MGAT5: variants seen among roughly 807,000 people sequenced by gnomAD.
MGAT5 encodes the protein alpha-1,6-mannosylglycoprotein 6-beta-N-acetylglucosaminyltransferase.
MGAT5 carries 30 observed loss-of-function variants against 94.3 expected under a neutral mutation model. The ratio of observed to expected loss-of-function variants is 0.32; its 90% confidence interval spans 0.24 to 0.43. The LOEUF (loss-of-function observed/expected upper bound fraction) is 0.43, where lower values mean the gene tolerates loss of function less well. MGAT5 is among the 20% of genes least tolerant of loss of function. The pLI is 1.00. For missense variants in MGAT5, 691 were observed against 905.5 expected, an observed-to-expected ratio of 0.76 and a Z score of 3.04; for synonymous variants, 310 against 322.9, an observed-to-expected ratio of 0.96 and a Z score of 0.43.
chr2:134,245,027 T>A (rs961963848), intron 1 of MGAT5, among the ~76,000 whole-genome samples: 1 of 152,182 alleles, frequency 6.6e-6, no homozygotes, highest in African/African-American at 2.4e-5. Context: ...TTATTATTAT[T>A]TTTGAGGCAG....
intron 2 of MGAT5, among the ~76,000 whole-genome samples, chr2:134,298,592 T>C (rs1274286000): frequency 6.6e-6 from 1 of 152,220 alleles, no homozygotes; most frequent in East Asian, 1.9e-4. Context: ...AATCCTTGTT[T>C]ATCATAATTC....
At chr2:134,296,892 C>T (rs941272029) in intron 2 of MGAT5, among the ~76,000 whole-genome samples, 1 of 152,110 alleles carries the variant, frequency 6.6e-6, no homozygotes, top group Admixed American at 6.6e-5. Context: ...TAGACACAAT[C>T]TGTACTGACT....
At chr2:134,232,837 T>C (rs547189085) in intron 1 of MGAT5, among the ~76,000 whole-genome samples, 35 of 152,344 alleles carry the variant, frequency 2.3e-4, no homozygotes, top group African/African-American at 7.5e-4. Flanking sequence ...TGGTGTGTTA[T>C]GGTGTGTCTT....
intron 1 of MGAT5, among the ~76,000 whole-genome samples, chr2:134,131,823 CTG>C (rs1465229143): frequency 4.6e-5 from 7 of 152,112 alleles, no homozygotes; most frequent in Admixed American, 3.3e-4. Context: ...TTTTACAGGA[CTG>C]GGCTTGCACC....
upstream of MGAT5, among the ~76,000 whole-genome samples, chr2:134,249,267 A>G (rs1018750937): frequency 6.7e-6 from 1 of 150,196 alleles, no homozygotes; most frequent in Non-Finnish European, 1.5e-5. Flanking sequence ...TACACATATC[A>G]TACCATCCTC....
intron 1 of MGAT5, among the ~76,000 whole-genome samples, chr2:134,240,566 A>G (rs963014216): frequency 6.6e-6 from 1 of 152,146 alleles, no homozygotes; most frequent in Non-Finnish European, 1.5e-5. Flanking sequence ...TATAATAAAA[A>G]AAATTTATGT....
chr2:134,256,926 T>A (rs1683000159), intron 1 of MGAT5, among the ~76,000 whole-genome samples: 2 of 152,202 alleles, frequency 1.3e-5, no homozygotes, highest in Admixed American at 1.3e-4. Flanking sequence ...GACTTGTATG[T>A]ATGTGCTTGA....
intron 8 of MGAT5, among the ~76,000 whole-genome samples, chr2:134,345,603 G>A (rs190143509): frequency 6.6e-6 from 1 of 152,278 alleles, no homozygotes; most frequent in African/African-American, 2.4e-5. Context: ...GTTTGCCTGA[G>A]TGTGGGTTTG....
intron 1 of MGAT5, among the ~76,000 whole-genome samples, chr2:134,255,800 G>A (rs576167114): frequency 2.0e-5 from 3 of 152,232 alleles, no homozygotes; most frequent in East Asian, 3.9e-4. Context: ...GAAGTATGCC[G>A]ATTTCAAATC....
chr2:134,378,335 C>T (rs545765340), intron 10 of MGAT5, among the ~76,000 whole-genome samples: 56 of 152,310 alleles, frequency 3.7e-4, no homozygotes, highest in African/African-American at 1.2e-3. Flanking sequence ...GAGCCCATAG[C>T]AGGGTTCTCA....
At position 134,186,978 on chromosome 2, in the gene MGAT5, T is replaced by G. The variant is rs374731170; in HGVS notation, c.-143+66687T>G. Among the ~76,000 whole-genome samples the G allele has an allele frequency of 1.6e-4, 24 of 152,174 alleles. No homozygotes were observed. In the East Asian group the frequency reaches 4.3e-3, roughly 27 times the overall value. ...TCCAGGAGGCTGCTTGAAGGAGTGA[T>G]GTTTGAGCAGAGTGCCAAGGCAGTA... On this transcript the variant is annotated intron_variant, in intron 1 of 16. Coordinates refer to the MGAT5 transcript ENST00000409645.
At chr2:134,340,897 G>A (rs1412312027) in intron 6 of MGAT5, among the ~76,000 whole-genome samples, 1 of 152,060 alleles carries the variant, frequency 6.6e-6, no homozygotes, top group African/African-American at 2.4e-5. Context: ...GAATCACACA[G>A]GTGCATTTAG....
intron 1 of MGAT5, among the ~76,000 whole-genome samples, chr2:134,266,551 TA>T (rs1683731319): frequency 6.6e-6 from 1 of 152,244 alleles, no homozygotes; most frequent in Non-Finnish European, 1.5e-5. Flanking sequence ...ATAAAACTGT[TA>T]ACAGTTTTTG....
chr2:134,175,579 A>G (rs1288947914), intron 1 of MGAT5, among the ~76,000 whole-genome samples: 1 of 152,130 alleles, frequency 6.6e-6, no homozygotes, highest in Non-Finnish European at 1.5e-5. Context: ...GTGAGAGAGA[A>G]TCCCCTTCCT....
intron 1 of MGAT5, among the ~76,000 whole-genome samples, chr2:134,121,486 G>T (rs981086746): frequency 1.3e-5 from 2 of 152,230 alleles, no homozygotes; most frequent in Non-Finnish European, 2.9e-5. Context: ...TTGGAGCGCA[G>T]AGGGGGTGCT....
At chr2:134,353,141 C>T (rs933172433) in intron 9 of MGAT5, among the ~76,000 whole-genome samples, 2 of 152,126 alleles carry the variant, frequency 1.3e-5, no homozygotes, top group African/African-American at 4.8e-5. Context: ...ATACTTAACA[C>T]TACTGAACAC....
intron 1 of MGAT5, among the ~76,000 whole-genome samples, chr2:134,260,561 A>T (rs1185442874): frequency 2.6e-5 from 4 of 152,210 alleles, no homozygotes; most frequent in African/African-American, 9.7e-5. Flanking sequence ...AAAGGAACAA[A>T]AACAGGTTGG....
chr2:134,226,078 T>C (rs548700002), intron 1 of MGAT5, among the ~76,000 whole-genome samples: 1 of 152,354 alleles, frequency 6.6e-6, no homozygotes, highest in Admixed American at 6.5e-5. Flanking sequence ...GTGGTTGTTC[T>C]GCTCTGCCCC....
At chr2:134,429,349 C>T (rs902235276) in intron 14 of MGAT5, among the ~76,000 whole-genome samples, 1 of 152,198 alleles carries the variant, frequency 6.6e-6, no homozygotes, top group Non-Finnish European at 1.5e-5. Context: ...GAGCTGGGAG[C>T]CGTGGTCATA....
Sources: allele counts gnomAD v4.1 joint callset (sites outside exome capture counted in the v4.1 genomes callset), GRCh38; gene constraint gnomAD v4.1.1; transcripts MANE v1.5; gene names NCBI Gene and HGNC (gene_info 2026-07-23, HGNC 2026-07-21).